The following CENPW variants were observed in gnomAD, a reference collection of about 807,000 sequenced individuals.
CENPW encodes the protein centromere protein W.
CENPW carries 3 observed loss-of-function variants against 11.1 expected under a neutral mutation model. The observed-to-expected ratio is 0.27, with a 90% CI of 0.12 to 0.70. CENPW has a LOEUF of 0.70. Ranked by LOEUF, CENPW falls within the 30% of genes least tolerant of loss-of-function variation. CENPW has a pLI of 0.77. For synonymous variants in CENPW, 38 were observed against 42.0 expected, an observed-to-expected ratio of 0.91 and a Z score of 0.37; for missense variants, 100 against 105.6, an observed-to-expected ratio of 0.95 and a Z score of 0.23.
the CENPW span, among the ~76,000 whole-genome samples, chr6:126,478,130 C>G: frequency 6.6e-6 from 1 of 151,952 alleles, no homozygotes; most frequent in Non-Finnish European, 1.5e-5. Context: ...TACAGGATTT[C>G]TTCTTCCTTA....
the CENPW span, among the ~76,000 whole-genome samples, chr6:126,388,321 T>C: frequency 6.6e-6 from 1 of 151,996 alleles, no homozygotes; most frequent in Admixed American, 6.6e-5. Flanking sequence ...TAATCTGTAG[T>C]AGATTGCTAT....
chr6:126,385,009 A>T, the CENPW span, among the ~76,000 whole-genome samples: 2 of 152,238 alleles, frequency 1.3e-5, no homozygotes, highest in African/African-American at 4.8e-5. Flanking sequence ...TATGAAAAAA[A>T]GCTCAATATG....
chr6:126,374,459 A>G, the CENPW span, among the ~76,000 whole-genome samples: 3 of 152,164 alleles, frequency 2.0e-5, no homozygotes, highest in Non-Finnish European at 4.4e-5. Flanking sequence ...TGCCAGACTA[A>G]ACCAGCATGT....
At chr6:126,397,202 C>CA in the CENPW span, among the ~76,000 whole-genome samples, 1 of 152,160 alleles carries the variant, frequency 6.6e-6, no homozygotes, top group Middle Eastern at 3.4e-3. Context: ...CCCATGGTGG[C>CA]AAGGCTTGCT....
At chr6:126,392,957 A>T in the CENPW span, among the ~76,000 whole-genome samples, 2 of 151,900 alleles carry the variant, frequency 1.3e-5, no homozygotes, top group South Asian at 2.1e-4. Flanking sequence ...TTTATTACAG[A>T]TTCAATCTTA....
At chr6:126,406,762 T>C in the CENPW span, among the ~76,000 whole-genome samples, 30 of 151,392 alleles carry the variant, frequency 2.0e-4, no homozygotes, top group Non-Finnish European at 4.1e-4. Flanking sequence ...TGAGGCAGGA[T>C]AATTGCTTGA....
the CENPW span, among the ~76,000 whole-genome samples, chr6:126,375,780 C>T: frequency 1.2e-3 from 181 of 152,170 alleles, 1 homozygote; most frequent in African/African-American, 4.2e-3. Flanking sequence ...CTCTTCGTTA[C>T]TTTAGTTATA....
the CENPW span, among the ~76,000 whole-genome samples, chr6:126,410,614 C>T: frequency 2.6e-5 from 4 of 151,190 alleles, no homozygotes; most frequent in Non-Finnish European, 5.9e-5. Flanking sequence ...CTGTCTTCTG[C>T]TTGTGCAGCT....
chr6:126,370,940 G>GT, the CENPW span, among the ~76,000 whole-genome samples: 88 of 151,864 alleles, frequency 5.8e-4, 2 homozygotes, highest in Middle Eastern at 3.4e-3. Flanking sequence ...GTGTGTGTGT[G>GT]TTTTTTTAGT....
chr6:126,370,549 T>A, the CENPW span, among the ~76,000 whole-genome samples: 2 of 152,160 alleles, frequency 1.3e-5, no homozygotes, highest in South Asian at 2.1e-4. Context: ...TTGAGTTTTT[T>A]ATTTTATTCT....
At chr6:126,430,306 T>C in the CENPW span, among the ~76,000 whole-genome samples, 1 of 152,152 alleles carries the variant, frequency 6.6e-6, no homozygotes, top group East Asian at 1.9e-4. Flanking sequence ...GCTTTATAAC[T>C]CTCTTAAGTG....
At chr6:126,428,900 C>A in the CENPW span, among the ~76,000 whole-genome samples, 1 of 152,000 alleles carries the variant, frequency 6.6e-6, no homozygotes, top group East Asian at 1.9e-4. Context: ...CTAGAGATAA[C>A]TTTTGCTACT....
chr6:126,357,813 C>T, the CENPW span, among the ~76,000 whole-genome samples: 7 of 152,030 alleles, frequency 4.6e-5, no homozygotes, highest in South Asian at 2.1e-4. Context: ...TTCACCATAT[C>T]GGCCAGGCTG....
chr6:126,404,081 A>C, the CENPW span, among the ~76,000 whole-genome samples: 1 of 152,088 alleles, frequency 6.6e-6, no homozygotes, highest in Non-Finnish European at 1.5e-5. Context: ...GGATGATGAC[A>C]CATCTGTTGA....
At chr6:126,473,458 A>G in the CENPW span, among the ~76,000 whole-genome samples, 1 of 152,142 alleles carries the variant, frequency 6.6e-6, no homozygotes, top group Non-Finnish European at 1.5e-5. Flanking sequence ...TAGGCCGGGC[A>G]CAGTGACTCA....
chr6:126,425,663 G>C, the CENPW span, among the ~76,000 whole-genome samples: 1 of 151,966 alleles, frequency 6.6e-6, no homozygotes, highest in South Asian at 2.1e-4. Context: ...TATAGCAAAA[G>C]AGCTTGGTGT....
At chr6:126,407,328 C>A in the CENPW span, among the ~76,000 whole-genome samples, 4 of 152,240 alleles carry the variant, frequency 2.6e-5, no homozygotes, top group South Asian at 8.3e-4. Flanking sequence ...TTCATCCAGT[C>A]TATTTTCGAT....
chr6:126,460,554 C>T, the CENPW span, among the ~76,000 whole-genome samples: 1 of 151,730 alleles, frequency 6.6e-6, no homozygotes, highest in Non-Finnish European at 1.5e-5. Flanking sequence ...CATGATTCTC[C>T]CTCATCACTT....
At chr6:126,387,923 C>T in the CENPW span, among the ~76,000 whole-genome samples, 3 of 151,882 alleles carry the variant, frequency 2.0e-5, no homozygotes, top group African/African-American at 4.8e-5. Flanking sequence ...AGCCAGAGCC[C>T]GACTGACTTC....
Sources: allele counts gnomAD v4.1 joint callset (sites outside exome capture counted in the v4.1 genomes callset), GRCh38; gene constraint gnomAD v4.1.1; transcripts MANE v1.5; gene names NCBI Gene and HGNC (gene_info 2026-07-23, HGNC 2026-07-21).